Variants in MTCL2 observed in about 807,000 individuals in gnomAD.
The protein encoded by MTCL2 is microtubule cross-linking factor 2.
At chr20:36,847,184 T>C in the MTCL2 span, among the ~76,000 whole-genome samples, 1 of 152,244 alleles carries the variant, frequency 6.6e-6, no homozygotes, top group South Asian at 2.1e-4. Context: ...TTCGCAGAGC[T>C]GCTTGAGCAA....
the MTCL2 span, among the ~76,000 whole-genome samples, chr20:36,852,695 C>G: frequency 6.6e-6 from 1 of 152,062 alleles, no homozygotes; most frequent in Non-Finnish European, 1.5e-5. Flanking sequence ...GTCTCCCACC[C>G]CAGAGCTCAA....
the MTCL2 span, among the ~76,000 whole-genome samples, chr20:36,854,482 G>C: frequency 6.6e-6 from 1 of 152,178 alleles, no homozygotes; most frequent in Non-Finnish European, 1.5e-5. Flanking sequence ...GGAACTGCAA[G>C]CACAAAGGCC....
the MTCL2 span, chr20:36,810,127 C>T: frequency 6.3e-6 from 10 of 1,580,020 alleles, no homozygotes; most frequent in African/African-American, 1.3e-5. Flanking sequence ...AGACAGGGGA[C>T]ACAGATAATG....
At chr20:36,838,387 A>G in the MTCL2 span, among the ~76,000 whole-genome samples, 149,253 of 152,212 alleles carry the variant, frequency 0.98, 73,231 homozygotes, top group Middle Eastern at 1. Context: ...TTGAGCCCAG[A>G]AGTTTGAGAC....
At chr20:36,785,139 T>C in the MTCL2 span, 2 of 985,280 alleles carry the variant, frequency 2.0e-6, no homozygotes, top group African/African-American at 3.5e-5. Context: ...TAATAAGTAG[T>C]GTTCTGAGGC....
At chr20:36,852,307 C>T in the MTCL2 span, among the ~76,000 whole-genome samples, 18 of 142,170 alleles carry the variant, frequency 1.3e-4, no homozygotes, top group Admixed American at 6.8e-4. Flanking sequence ...GTCTCCTGCC[C>T]GGGCCCGGGC....
chr20:36,788,626 A>C, the MTCL2 span, among the ~76,000 whole-genome samples: 2 of 152,168 alleles, frequency 1.3e-5, no homozygotes, highest in African/African-American at 4.8e-5. Context: ...CAACAGAGCG[A>C]GACTCCGTCT....
chr20:36,797,497 C>G, the MTCL2 span: 2 of 1,553,300 alleles, frequency 1.3e-6, no homozygotes, highest in African/African-American at 2.7e-5. Flanking sequence ...AGCCGCCCCA[C>G]TCACCTCCTT....
the MTCL2 span, among the ~76,000 whole-genome samples, chr20:36,841,155 C>CAAAAAAAAAAAAAAAA: frequency 2.0e-4 from 8 of 40,348 alleles, 1 homozygote; most frequent in Admixed American, 4.5e-4. Flanking sequence ...ACTAAAAATA[C>CAAAAAAAAAAAAAAAA]AAAAAAAAAA....
chr20:36,785,580 T>C, the MTCL2 span: 1 of 985,330 alleles, frequency 1.0e-6, no homozygotes, highest in Non-Finnish European at 1.2e-6. Context: ...GTAAACACAG[T>C]GGAGATGTAG....
chr20:36,806,820 A>G, the MTCL2 span, among the ~76,000 whole-genome samples: 1 of 152,138 alleles, frequency 6.6e-6, no homozygotes, highest in Non-Finnish European at 1.5e-5. Flanking sequence ...GCACCTAGCC[A>G]ATTTTCTATG....
At chr20:36,848,974 C>A in the MTCL2 span, among the ~76,000 whole-genome samples, 2 of 150,646 alleles carry the variant, frequency 1.3e-5, no homozygotes, top group East Asian at 3.9e-4. Context: ...GATCTGTCAC[C>A]AGAATTTATG....
At chr20:36,853,962 A>C in the MTCL2 span, among the ~76,000 whole-genome samples, 1 of 152,152 alleles carries the variant, frequency 6.6e-6, no homozygotes, top group Non-Finnish European at 1.5e-5. Context: ...TGTGTTTAAA[A>C]CATCCCCCAA....
the MTCL2 span, among the ~76,000 whole-genome samples, chr20:36,846,171 A>G: frequency 6.6e-6 from 1 of 150,798 alleles, no homozygotes; most frequent in African/African-American, 2.4e-5. Flanking sequence ...GCACCACTGC[A>G]CTCCGGCCTG....
At chr20:36,815,097 T>C in the MTCL2 span, 4 of 1,523,482 alleles carry the variant, frequency 2.6e-6, no homozygotes, top group Non-Finnish European at 3.5e-6. The surrounding 1 kb of genome is among the most constrained non-coding windows in gnomAD (Gnocchi z 5.3). Flanking sequence ...AAAAAATAAA[T>C]AATAGGATCT....
the MTCL2 span, chr20:36,780,596 C>T: frequency 6.6e-6 from 1 of 152,198 alleles, no homozygotes; most frequent in African/African-American, 2.4e-5. Flanking sequence ...GCTGGGGACA[C>T]TGAGTGTGAT....
chr20:36,805,981 A>G, the MTCL2 span: 1 of 1,586,932 alleles, frequency 6.3e-7, no homozygotes, highest in Non-Finnish European at 8.6e-7. Flanking sequence ...ACCATGCTTA[A>G]CAGCAGGTGG....
the MTCL2 span, chr20:36,859,843 CAAAGTAGTCCAG>C: frequency 8.1e-7 from 1 of 1,231,550 alleles, no homozygotes. Context: ...ATCTTAGAGG[CAAAGTAGTCCAG>C]AAAGGCAGAA....
At chr20:36,850,644 A>G in the MTCL2 span, among the ~76,000 whole-genome samples, 1 of 152,206 alleles carries the variant, frequency 6.6e-6, no homozygotes, top group African/African-American at 2.4e-5. Context: ...ATCCATCACC[A>G]AATTATTGGA....
Sources: gnomAD v4.1 joint callset for allele counts (sites outside exome capture counted in the v4.1 genomes callset) on GRCh38, gnomAD v4.1.1 for gene constraint, Gnocchi (gnomAD v3.1) non-coding constraint, MANE v1.5 for transcripts, NCBI Gene and HGNC (gene_info 2026-07-23, HGNC 2026-07-21) for gene names.